BRIP1: variants seen among roughly 807,000 people sequenced by gnomAD.
BRIP1 encodes the protein Fanconi anemia group J protein.
Under a neutral mutation model 119.7 loss-of-function variants are expected in BRIP1, and 88 were observed. The ratio of observed to expected loss-of-function variants is 0.74; its 90% CI spans 0.62 to 0.88. The LOEUF (loss-of-function observed/expected upper bound fraction) is 0.88, where lower values mean the gene tolerates loss of function less well. BRIP1 is among the 40% of genes least tolerant of loss of function. The pLI is 0.00. For missense variants in BRIP1, 1,259 were observed against 1,455.4 expected (o/e 0.87, Z 2.20); for synonymous variants, 443 against 496.5 (o/e 0.89, Z 1.43).
chr17:61,745,903 A>C lies in BRIP1; in HGVS notation c.2098-1312T>G, dbSNP rs905323713. On this transcript the variant is annotated intron_variant, in intron 14 of 19. Transcript: ENST00000259008. This position sits in a 1 kb window ranked among gnomAD's most constrained non-coding sequence, Gnocchi z 4.4. ...TAGAAAATGAAATATAGCAAATGCA[A>C]AGAAAGAAGTTAATAATAAAGCTGA... 2.0e-5 allele frequency among the ~76,000 whole-genome samples: 3 copies of C among 152,190 alleles called. No homozygotes were observed. Among genetic ancestry groups the C allele is most frequent in the Admixed American group, 2.0e-4 (3 of 15,272 alleles).
At position 61,757,206 on chromosome 17, in the gene BRIP1, T is replaced by C. The variant is rs577712025; in HGVS notation, c.2098-12615A>G. On this transcript the variant is annotated intron_variant, in intron 14 of 19. Coordinates refer to ENST00000259008, the MANE Select transcript of BRIP1 (RefSeq NM_032043.3). This position sits in a 1 kb window ranked among gnomAD's most constrained non-coding sequence, Gnocchi z 4.3. ...TTTTTAGTTACAGTAAAAATGAATG[T>C]CCTTAATTTTTGCTAAATACAAACT... 6.6e-6 allele frequency among the ~76,000 whole-genome samples: 1 copy of C among 152,334 alleles called. No individual in the cohort carries two copies. The highest frequency in any genetic ancestry group is 1.9e-4 in the East Asian group (1 of 5,190).
rs775253208 is a variant in BRIP1 at position 61,857,639 on chromosome 17, G to A, written c.206-408C>T. Among the ~76,000 whole-genome samples the A allele has an allele frequency of 2.0e-5, 3 of 152,128 alleles. No homozygotes were observed. Among genetic ancestry groups the A allele is most frequent in the East Asian group, 1.9e-4 (1 of 5,200 alleles). On this transcript the variant is annotated intron_variant, in intron 3 of 19. Transcript: ENST00000259008. This position sits in a 1 kb window ranked among gnomAD's most constrained non-coding sequence, Gnocchi z 5.1. ...CTCAGGAGGCTGAGGCAGGAGAATC[G>A]CTTGAACCTGGGAGGCAGAGGTAGC...
In BRIP1 at chr17:61,706,293, A is replaced by G. The variant is rs894826837; in HGVS notation, c.2492+9658T>C. Among the ~76,000 whole-genome samples the G allele has an allele frequency of 3.3e-5, 5 of 152,138 alleles. No individual in the cohort carries two copies. Among genetic ancestry groups the G allele is most frequent in the Non-Finnish European group, 5.9e-5 (4 of 67,986 alleles). The stretch of plus-strand genomic sequence containing the variant: ...ATCTACCTGCTAGTGTTGACTTTTC[A>G]GAGTTCTCAAACAGCTACTCCACAT... On this transcript the variant is annotated intron_variant, in intron 17 of 19. Coordinates refer to ENST00000259008, the MANE Select transcript of BRIP1 (RefSeq NM_032043.3). The surrounding 1 kb of genome is among the most constrained non-coding windows in gnomAD (Gnocchi z 5.7).
intron 11 of BRIP1, among the ~76,000 whole-genome samples, chr17:61,781,920 CAAAA>C (rs10710869): frequency 1.6e-5 from 2 of 128,768 alleles, no homozygotes; most frequent in African/African-American, 2.9e-5. Context: ...GACTCCATCT[CAAAA>C]AAAAAAAAAA....
At position 61,861,399 on chromosome 17, in the gene BRIP1, A is replaced by G. The variant is rs571360960; in HGVS notation, c.93+48T>C. 40 of 1,203,720 alleles carry G rather than the reference A, an allele frequency of 3.3e-5. No homozygotes were observed. The South Asian group carries it at 3.9e-4, about 12-fold the overall frequency. The allele number at this position is 1,203,720 out of a possible 1,614,324, so 74.6% of individuals were successfully genotyped here. A position where few individuals can be genotyped will look rare whatever the true frequency, so the allele number is the denominator to read the frequency against. On this transcript the variant is annotated intron_variant, in intron 2 of 19. Transcript: ENST00000259008. The surrounding 1 kb of genome is among the most constrained non-coding windows in gnomAD (Gnocchi z 4.5). Reference sequence around the variant, plus strand: ...AAATACTCAATGTACTTTATGGGTCATAAGTATCTATATCTTAATAAAAAC... The same window carrying G: ...AAATACTCAATGTACTTTATGGGTCGTAAGTATCTATATCTTAATAAAAAC...
chr17:61,768,691 C>T lies in BRIP1; in HGVS notation c.2097+7710G>A, dbSNP rs569474180. The stretch of plus-strand genomic sequence containing the variant: ...AAAGTTTATGATAGCCCCTAAGATT[C>T]CTACTCCCTATATACAACCTGCATA... On this transcript the variant is annotated intron_variant, in intron 14 of 19. Coordinates refer to ENST00000259008, the MANE Select transcript of BRIP1 (RefSeq NM_032043.3). The surrounding 1 kb of genome is among the most constrained non-coding windows in gnomAD (Gnocchi z 5.0). 6.4e-4 allele frequency among the ~76,000 whole-genome samples: 97 copies of T among 152,238 alleles called. No individual in the cohort carries two copies. Among genetic ancestry groups the T allele is most frequent in the African/African-American group, 2.3e-3 (96 of 41,540 alleles).
chr17:61,737,403 T>G (rs1312278772), intron 16 of BRIP1, among the ~76,000 whole-genome samples: 1 of 152,036 alleles, frequency 6.6e-6, no homozygotes, highest in Non-Finnish European at 1.5e-5. Context: ...GAATCAAATA[T>G]CTAAATTAAA....
Position 61,759,005 on chromosome 17 carries a change from C to CATAAATAAATAAATAAATAA in BRIP1, c.2098-14434_2098-14415dup, listed in dbSNP as rs59441826. ...CCTGGGTGACAGAGCAAGACCCTGT[C>CATAAATAAATAAATAAATAA]ATAAATAAATAAATAAATAAATAAA... On this transcript the variant is annotated intron_variant, in intron 14 of 19. Coordinates refer to ENST00000259008, the MANE Select transcript of BRIP1 (RefSeq NM_032043.3). This position sits in a 1 kb window ranked among gnomAD's most constrained non-coding sequence, Gnocchi z 4.9. Among the ~76,000 whole-genome samples the CATAAATAAATAAATAAATAA allele has an allele frequency of 3.1e-3, 428 of 137,062 alleles. 6 individuals are homozygous for CATAAATAAATAAATAAATAA. The highest frequency in any genetic ancestry group is 3.7e-3 in the Non-Finnish European group (240 of 64,204). 89.9% of individuals were successfully genotyped at this position (137,062 alleles called of 152,430 possible).
rs1175381848 is a variant in BRIP1 at position 61,772,159 on chromosome 17, A to T, written c.2097+4242T>A. On this transcript the variant is annotated intron_variant, in intron 14 of 19. Transcript: ENST00000259008. ...TGAATGGATAAGCAAATGTGAGATT[A>T]TATATATATATATATATATATATAT... Among the ~76,000 whole-genome samples, 5 of 920 alleles carry T rather than the reference A, an allele frequency of 5.4e-3. No individual in the cohort carries two copies. The South Asian group carries it at 0.06, about 11-fold the overall frequency. 0.6% of individuals were successfully genotyped at this position (920 alleles called of 152,430 possible). A position where few individuals can be genotyped will look rare whatever the true frequency, so the allele number is the denominator to read the frequency against.
chr17:61,780,750 A>AAAC lies in BRIP1; in HGVS notation c.1794+87_1794+89dup. On this transcript the variant is annotated intron_variant, in intron 12 of 19. Coordinates refer to ENST00000259008, the MANE Select transcript of BRIP1 (RefSeq NM_032043.3). The surrounding 1 kb of genome is among the most constrained non-coding windows in gnomAD (Gnocchi z 5.4). ...TCAAAACAACAACAACAACAACAAC[A>AAAC]AACAACTATCTTTAAAAGAGTCAAC... 1 of 1,445,340 alleles carries AAAC rather than the reference A, an allele frequency of 6.9e-7. No homozygotes were observed. Among genetic ancestry groups the AAAC allele is most frequent in the South Asian group, 1.2e-5 (1 of 86,906 alleles). The allele number at this position is 1,445,340 out of a possible 1,614,324, so 89.5% of individuals were successfully genotyped here. A position where few individuals can be genotyped will look rare whatever the true frequency, so the allele number is the denominator to read the frequency against.
rs975408593 is a variant in BRIP1, at chr17:61,825,620, CACAA to C, written c.628-16867_628-16864del. Among the ~76,000 whole-genome samples, 6 of 129,838 alleles carry C rather than the reference CACAA, an allele frequency of 4.6e-5. No individual in the cohort carries two copies. The highest frequency in any genetic ancestry group is 2.5e-4 in the South Asian group (1 of 4,002). The allele number at this position is 129,838 out of a possible 152,430, so 85.2% of individuals were successfully genotyped here. Reference sequence around the variant, plus strand: ...GGAATGCAATCCCATTCACAATTGCCACAAATAAATAAATAAATAAATAAATAAA... The same window carrying C: ...GGAATGCAATCCCATTCACAATTGCCATAAATAAATAAATAAATAAATAAA... On this transcript the variant is annotated intron_variant, in intron 6 of 19. Coordinates refer to ENST00000259008, the MANE Select transcript of BRIP1 (RefSeq NM_032043.3). The surrounding 1 kb of genome is among the most constrained non-coding windows in gnomAD (Gnocchi z 4.1).
rs541061821 is a variant in BRIP1 at position 61,709,432 on chromosome 17, T to C, written c.2492+6519A>G. On this transcript the variant is annotated intron_variant, in intron 17 of 19. Transcript: ENST00000259008. The surrounding 1 kb of genome is among the most constrained non-coding windows in gnomAD (Gnocchi z 5.0). The stretch of plus-strand genomic sequence containing the variant: ...AAAATCTAAATTTTATAGGGCATTA[T>C]TTTTTGATATTATTTTAAAGTAACC... Among the ~76,000 whole-genome samples the C allele has an allele frequency of 6.6e-6, 1 of 152,154 alleles. No homozygotes were observed. The highest frequency in any genetic ancestry group is 1.5e-5 in the Non-Finnish European group (1 of 68,030).
At chr17:61,839,102 C>A (rs1242617129) in intron 6 of BRIP1, among the ~76,000 whole-genome samples, 1 of 151,958 alleles carries the variant, frequency 6.6e-6, no homozygotes, top group Non-Finnish European at 1.5e-5. Flanking sequence ...ACCCAAAAAT[C>A]CCATTTTTTA....
At position 61,757,662 on chromosome 17, in the gene BRIP1, C is replaced by T. The variant is rs2077218265; in HGVS notation, c.2098-13071G>A. Among the ~76,000 whole-genome samples the T allele has an allele frequency of 6.6e-6, 1 of 152,110 alleles. No homozygotes were observed. Among genetic ancestry groups the T allele is most frequent in the Non-Finnish European group, 1.5e-5 (1 of 68,010 alleles). On this transcript the variant is annotated intron_variant, in intron 14 of 19. Transcript: ENST00000259008. The surrounding 1 kb of genome is among the most constrained non-coding windows in gnomAD (Gnocchi z 4.3). ...AAAATGACATTTGTAAAACAACTAACATATTTACACATGAAATTCTACTTT... is the reference window on the plus strand; with the variant it reads ...AAAATGACATTTGTAAAACAACTAATATATTTACACATGAAATTCTACTTT...
chr17:61,807,639 C>T lies in BRIP1; in HGVS notation c.918+828G>A, dbSNP rs2078093371. On this transcript the variant is annotated intron_variant, in intron 7 of 19. Coordinates refer to ENST00000259008, the MANE Select transcript of BRIP1 (RefSeq NM_032043.3). This position sits in a 1 kb window ranked among gnomAD's most constrained non-coding sequence, Gnocchi z 4.5. ...ATAGCTCACAGTTTTTTGTGTAGAA[C>T]CAACTCTAATAAGATACTAGTGAAA... is the stretch of plus-strand genomic sequence containing the variant. 6.6e-6 allele frequency among the ~76,000 whole-genome samples: 1 copy of T among 151,864 alleles called. No individual in the cohort carries two copies. Among genetic ancestry groups the T allele is most frequent in the South Asian group, 2.1e-4 (1 of 4,814 alleles).
Position 61,784,950 on chromosome 17 carries a change from C to A in BRIP1, c.1474-526G>T, listed in dbSNP as rs1032961225. Among the ~76,000 whole-genome samples, 8 of 152,228 alleles carry A rather than the reference C, an allele frequency of 5.3e-5. 1 individual carries two copies. Among genetic ancestry groups the A allele is most frequent in the Non-Finnish European group, 4.4e-5 (3 of 68,002 alleles). Reference sequence around the variant, plus strand: ...CCTCAGGTATTTATAGTGATACAAACAAAGACAATTATTAACAGCACAATG... The same window carrying A: ...CCTCAGGTATTTATAGTGATACAAAAAAAGACAATTATTAACAGCACAATG... On this transcript the variant is annotated intron_variant, in intron 10 of 19. Coordinates refer to ENST00000259008, the MANE Select transcript of BRIP1 (RefSeq NM_032043.3).
rs2061691253 is a variant in BRIP1 at position 61,706,436 on chromosome 17, G to A, written c.2492+9515C>T. Among the ~76,000 whole-genome samples, 1 of 152,062 alleles carries A rather than the reference G, an allele frequency of 6.6e-6. No individual in the cohort carries two copies. The highest frequency in any genetic ancestry group is 1.9e-4 in the East Asian group (1 of 5,176). On this transcript the variant is annotated intron_variant, in intron 17 of 19. Coordinates refer to ENST00000259008, the MANE Select transcript of BRIP1 (RefSeq NM_032043.3). The surrounding 1 kb of genome is among the most constrained non-coding windows in gnomAD (Gnocchi z 5.7). ...TTTGTAAATTTTAACTTTTATCAAA[G>A]AAACACGAACACATAGTTTTATGTT...
Position 61,724,151 on chromosome 17 carries a change from A to T in BRIP1, c.2380-8088T>A, listed in dbSNP as rs1369518270. ...AAAATCTAACCTAACTGACATAAGT[A>T]GAAATAAGATCCTCAATATCAAAGG... On this transcript the variant is annotated intron_variant, in intron 16 of 19. Coordinates refer to ENST00000259008, the MANE Select transcript of BRIP1 (RefSeq NM_032043.3). This position sits in a 1 kb window ranked among gnomAD's most constrained non-coding sequence, Gnocchi z 5.1. 6.6e-6 allele frequency among the ~76,000 whole-genome samples: 1 copy of T among 152,152 alleles called. No homozygotes were observed. Among genetic ancestry groups the T allele is most frequent in the Non-Finnish European group, 1.5e-5 (1 of 68,002 alleles).
Position 61,706,996 on chromosome 17 carries a change from C to A in BRIP1, c.2492+8955G>T, listed in dbSNP as rs371381340. On this transcript the variant is annotated intron_variant, in intron 17 of 19. Coordinates refer to ENST00000259008, the MANE Select transcript of BRIP1 (RefSeq NM_032043.3). This position sits in a 1 kb window ranked among gnomAD's most constrained non-coding sequence, Gnocchi z 5.7. ...TCTTTGCCTCTATTCTGGATTGGAA[C>A]CCTAGTTCCCTGCATCCTTGATATT... Among the ~76,000 whole-genome samples, 3 of 151,902 alleles carry A rather than the reference C, an allele frequency of 2.0e-5. No individual in the cohort carries two copies. In the East Asian group the frequency reaches 5.8e-4, roughly 29 times the overall value.
Sources: allele counts gnomAD v4.1 joint callset (sites outside exome capture counted in the v4.1 genomes callset), GRCh38; gene constraint gnomAD v4.1.1; non-coding constraint Gnocchi (gnomAD v3.1); transcripts MANE v1.5; gene names NCBI Gene and HGNC (gene_info 2026-07-23, HGNC 2026-07-21).